Variants in NRG3 observed in about 807,000 individuals in gnomAD.
NRG3 encodes pro-neuregulin-3, membrane-bound isoform.
A neutral mutation model predicts 66.9 loss-of-function variants in NRG3; 31 were observed. The ratio of observed to expected loss-of-function variants is 0.46; its 90% confidence interval spans 0.35 to 0.63. The LOEUF (loss-of-function observed/expected upper bound fraction) is 0.63, where lower values mean the gene tolerates loss of function less well. NRG3 is among the 20% of genes least tolerant of loss of function. NRG3 has a pLI of 0.00. For synonymous variants in NRG3, 393 were observed against 359.4 expected, an observed-to-expected ratio of 1.09 and a Z score of -1.06; for missense variants, 910 against 878.9, an observed-to-expected ratio of 1.04 and a Z score of -0.45.
chr10:82,501,654 C>T (rs1323173340), intron 2 of NRG3, among the ~76,000 whole-genome samples: 4 of 152,106 alleles, frequency 2.6e-5, no homozygotes, highest in Non-Finnish European at 5.9e-5. Flanking sequence ...ATATTATTTT[C>T]CCAGAAAGTA....
chr10:82,843,690 C>G (rs990973130), intron 3 of NRG3, among the ~76,000 whole-genome samples: 2 of 151,910 alleles, frequency 1.3e-5, no homozygotes, highest in Non-Finnish European at 2.9e-5. Flanking sequence ...AAAGAAACAC[C>G]CTTCAATGAT....
chr10:81,955,937 C>T (rs1268022282), intron 1 of NRG3, among the ~76,000 whole-genome samples: 1 of 152,178 alleles, frequency 6.6e-6, no homozygotes, highest in Non-Finnish European at 1.5e-5. Context: ...GAGTCCCTTG[C>T]CTAGAAAAAT....
At chr10:82,527,924 C>T (rs1346346716) in intron 2 of NRG3, among the ~76,000 whole-genome samples, 2 of 107,290 alleles carry the variant, frequency 1.9e-5, no homozygotes, top group Non-Finnish European at 3.4e-5. Context: ...CTAGATAATG[C>T]TTTGGTGTGT....
intron 2 of NRG3, among the ~76,000 whole-genome samples, chr10:82,627,340 C>T (rs543043275): frequency 9.9e-5 from 15 of 152,094 alleles, no homozygotes; most frequent in African/African-American, 2.9e-4. Context: ...TGCAAAATTA[C>T]TGGGAATCTA....
rs1236614582 is a variant in NRG3, at chr10:81,875,821, A to T, written c.481A>T (p.Ile161Phe). ...PNRISTRLTT[I>F]TRAPTRFPGH... ...CCGGATTAGCACTCGCCTGACCACC[A>T]TCACGCGGGCGCCCACTCGCTTCCC... Residue 161 changes from isoleucine to phenylalanine, a missense_variant, in exon 1 of 9, where the codon ATC (isoleucine) becomes TTC (phenylalanine). By Grantham distance (21) the Ile-to-Phe change is conservative (BLOSUM62 0). Transcript: ENST00000372141. The surrounding 1 kb of genome is among the most constrained non-coding windows in gnomAD (Gnocchi z 5.3). 1 of 1,609,074 alleles carries T rather than the reference A, an allele frequency of 6.2e-7. No individual in the cohort carries two copies. The highest frequency in any genetic ancestry group is 1.1e-5 in the South Asian group (1 of 91,038).
intron 1 of NRG3, among the ~76,000 whole-genome samples, chr10:82,326,888 G>A (rs1429183589): frequency 6.6e-6 from 1 of 152,052 alleles, no homozygotes; most frequent in Non-Finnish European, 1.5e-5. Context: ...TTAAAAAATT[G>A]TAATTACAAA....
At chr10:82,223,697 C>T (rs1004693272) in intron 1 of NRG3, among the ~76,000 whole-genome samples, 21 of 144,656 alleles carry the variant, frequency 1.5e-4, no homozygotes, top group East Asian at 7.9e-4. Context: ...ACACCACCCA[C>T]GTTCTTCTGG....
chr10:82,591,608 G>C (rs1221166959), intron 2 of NRG3, among the ~76,000 whole-genome samples: 1 of 152,042 alleles, frequency 6.6e-6, no homozygotes, highest in African/African-American at 2.4e-5. Flanking sequence ...TTATCTCTTT[G>C]AACCCTTGCG....
chr10:82,143,382 A>C (rs2069970143), intron 1 of NRG3, among the ~76,000 whole-genome samples: 1 of 152,160 alleles, frequency 6.6e-6, no homozygotes, highest in South Asian at 2.1e-4. Context: ...AGCCTTATTG[A>C]GCATGATTAG....
At chr10:82,713,403 G>T (rs1005880086) in intron 2 of NRG3, among the ~76,000 whole-genome samples, 1 of 152,284 alleles carries the variant, frequency 6.6e-6, no homozygotes, top group Middle Eastern at 3.4e-3. Context: ...GAAGTGATCA[G>T]ATTTCAGTAT....
At chr10:82,682,022 G>T (rs2134127467) in intron 2 of NRG3, among the ~76,000 whole-genome samples, 1 of 152,306 alleles carries the variant, frequency 6.6e-6, no homozygotes, top group Middle Eastern at 3.4e-3. Flanking sequence ...GGGAACAAGG[G>T]GTTTTAAAGG....
At chr10:82,044,229 T>G (rs1375113179) in intron 1 of NRG3, among the ~76,000 whole-genome samples, 1 of 152,040 alleles carries the variant, frequency 6.6e-6, no homozygotes, top group Non-Finnish European at 1.5e-5. Flanking sequence ...CAATAATTTG[T>G]ATTTATTAAT....
At chr10:82,351,413 CATG>C (rs2083431559) in intron 1 of NRG3, among the ~76,000 whole-genome samples, 1 of 152,160 alleles carries the variant, frequency 6.6e-6, no homozygotes, top group Non-Finnish European at 1.5e-5. Context: ...GCTTAGGAAA[CATG>C]ATGTCAGAAG....
chr10:82,672,051 C>T (rs2053321422), intron 2 of NRG3, among the ~76,000 whole-genome samples: 1 of 152,172 alleles, frequency 6.6e-6, no homozygotes, highest in Admixed American at 6.5e-5. Context: ...TCTCTAATAT[C>T]AGCAAAATTT....
chr10:82,618,930 AT>A (rs5786555), intron 2 of NRG3, among the ~76,000 whole-genome samples: 39,379 of 148,572 alleles, frequency 0.27, 5,488 homozygotes, highest in East Asian at 0.45. Flanking sequence ...AATAGGAGTG[AT>A]TTTTTTTTTT....
chr10:82,854,197 G>A (rs1314894288), intron 3 of NRG3, among the ~76,000 whole-genome samples: 2 of 152,188 alleles, frequency 1.3e-5, no homozygotes, highest in African/African-American at 2.4e-5. Flanking sequence ...GCTAAATGGA[G>A]ATCCCATCAT....
intron 1 of NRG3, among the ~76,000 whole-genome samples, chr10:82,237,300 C>A (rs910874116): frequency 1.3e-5 from 2 of 152,140 alleles, no homozygotes; most frequent in Non-Finnish European, 2.9e-5. Flanking sequence ...CCTCTGTTTG[C>A]AAAGGTCATT....
At chr10:82,715,245 A>T (rs765629408) in intron 2 of NRG3, among the ~76,000 whole-genome samples, 3 of 152,106 alleles carry the variant, frequency 2.0e-5, no homozygotes, top group Non-Finnish European at 2.9e-5. Context: ...AAAATACAAA[A>T]CAATTAGCCA....
At chr10:82,238,339 T>G (rs2076850858) in intron 1 of NRG3, among the ~76,000 whole-genome samples, 1 of 151,868 alleles carries the variant, frequency 6.6e-6, no homozygotes, top group Non-Finnish European at 1.5e-5. Context: ...AAAAAAAAAG[T>G]CCTTACTGAG....
Sources: gnomAD v4.1 joint callset for allele counts (sites outside exome capture counted in the v4.1 genomes callset) on GRCh38, gnomAD v4.1.1 for gene constraint, Gnocchi (gnomAD v3.1) non-coding constraint, MANE v1.5 for transcripts, NCBI Gene and HGNC (gene_info 2026-07-23, HGNC 2026-07-21) for gene names.